The following FANCB variants were observed in gnomAD, a reference collection of about 807,000 sequenced individuals.
FANCB encodes the protein Fanconi anemia group B protein.
In FANCB, 5 loss-of-function variants were observed where a neutral mutation model predicts 38.9. The observed-to-expected ratio is 0.13, with a 90% CI of 0.07 to 0.27. The LOEUF is 0.27. Among genes scored for constraint, FANCB ranks in the 10% least tolerant of loss-of-function variants. The pLI is 1.00. For synonymous variants in FANCB, 236 were observed against 215.4 expected (o/e 1.10, Z -0.84); for missense variants, 573 against 602.7 (o/e 0.95, Z 0.52).
At chrX:14,830,089 A>G in the FANCB span, among the ~76,000 whole-genome samples, 1 of 111,540 alleles carries the variant, frequency 9.0e-6, no homozygotes, top group Non-Finnish European at 1.9e-5. Flanking sequence ...GGGAATAGGA[A>G]TGTCTGATGA....
chrX:14,713,558 A>G, the FANCB span, among the ~76,000 whole-genome samples: 3 of 112,379 alleles, frequency 2.7e-5, no homozygotes, highest in Non-Finnish European at 5.6e-5. Context: ...AAAGCCAAAC[A>G]ACTATTTTTA....
downstream of FANCB, chrX:14,835,407 T>G (rs779938353): frequency 1.4e-5 from 5 of 361,063 alleles, no homozygotes; most frequent in Non-Finnish European, 2.5e-5. Context: ...CAGGACAGAA[T>G]CACACCTGGG....
intron 3 of FANCB, chrX:14,862,358 T>G (rs1010307109): frequency 1.5e-4 from 17 of 110,864 alleles, no homozygotes; most frequent in African/African-American, 5.3e-4. Flanking sequence ...AGTAGGGACT[T>G]AGGTAAGTAA....
chrX:14,719,628 T>C, the FANCB span, among the ~76,000 whole-genome samples: 1 of 111,958 alleles, frequency 8.9e-6, no homozygotes, highest in Non-Finnish European at 1.9e-5. Flanking sequence ...ATACAGCCAT[T>C]ATGGAAAACA....
the FANCB span, among the ~76,000 whole-genome samples, chrX:14,807,025 G>T: frequency 1.8e-5 from 2 of 111,714 alleles, no homozygotes; most frequent in Admixed American, 9.5e-5. Context: ...GTGTGTGGAA[G>T]AAAAGGGAGA....
chrX:14,809,243 C>T, the FANCB span, among the ~76,000 whole-genome samples: 3 of 112,538 alleles, frequency 2.7e-5, no homozygotes, highest in African/African-American at 6.5e-5. Context: ...CAGCTCCCAG[C>T]GTGAGCGACA....
chrX:14,691,358 T>C, the FANCB span, among the ~76,000 whole-genome samples: 3 of 107,856 alleles, frequency 2.8e-5, no homozygotes, highest in South Asian at 4.1e-4. Context: ...ACTGATCTGA[T>C]TGACTTTTTT....
At chrX:14,818,625 A>G in the FANCB span, among the ~76,000 whole-genome samples, 1 of 111,320 alleles carries the variant, frequency 9.0e-6, no homozygotes, top group Non-Finnish European at 1.9e-5. Flanking sequence ...GAAGGGCACT[A>G]TCTGGTAGAA....
At chrX:14,755,546 A>G in the FANCB span, among the ~76,000 whole-genome samples, 1 of 111,937 alleles carries the variant, frequency 8.9e-6, no homozygotes, top group Non-Finnish European at 1.9e-5. Flanking sequence ...AATCCCACTT[A>G]CAACAGCTAC....
the FANCB span, among the ~76,000 whole-genome samples, chrX:14,733,628 A>G: frequency 8.9e-6 from 1 of 111,892 alleles, no homozygotes; most frequent in Non-Finnish European, 1.9e-5. Context: ...CTTTGTAGCA[A>G]TTGTCAATGG....
the FANCB span, among the ~76,000 whole-genome samples, chrX:14,705,370 A>G: frequency 1.8e-5 from 2 of 111,908 alleles, no homozygotes; most frequent in African/African-American, 6.5e-5. Context: ...TTTAGTTCTC[A>G]CAACTTGGGG....
the FANCB span, among the ~76,000 whole-genome samples, chrX:14,821,914 C>T: frequency 8.9e-6 from 1 of 111,789 alleles, no homozygotes; most frequent in South Asian, 3.8e-4. Flanking sequence ...GGGACATTCT[C>T]TCCTCCTTCA....
At chrX:14,802,571 G>T in the FANCB span, among the ~76,000 whole-genome samples, 30 of 112,000 alleles carry the variant, frequency 2.7e-4, no homozygotes, top group African/African-American at 8.4e-4. Context: ...TAAGCTGACT[G>T]GAGGCAGGAA....
chrX:14,867,656 C>T (rs1033741575), intron 2 of FANCB, among the ~76,000 whole-genome samples: 1 of 108,798 alleles, frequency 9.2e-6, no homozygotes, highest in African/African-American at 3.4e-5. Context: ...CATTTTATGA[C>T]ATTGGGCTGG....
the FANCB span, among the ~76,000 whole-genome samples, chrX:14,712,741 G>A: frequency 9.0e-6 from 1 of 110,955 alleles, no homozygotes; most frequent in Non-Finnish European, 1.9e-5. Flanking sequence ...ATGAAGTTCT[G>A]AGTAGAAAAC....
the FANCB span, among the ~76,000 whole-genome samples, chrX:14,726,341 T>G: frequency 8.9e-6 from 1 of 112,265 alleles, no homozygotes; most frequent in South Asian, 3.7e-4. Context: ...TACCATAAAG[T>G]TCTATATTTA....
intron 2 of FANCB, among the ~76,000 whole-genome samples, chrX:14,866,391 A>G (rs1569093602): frequency 8.9e-6 from 1 of 112,041 alleles, no homozygotes; most frequent in East Asian, 2.8e-4. Context: ...TTGTCTTAAA[A>G]TAAGTACCCT....
the FANCB span, among the ~76,000 whole-genome samples, chrX:14,807,123 T>C: frequency 1.8e-5 from 2 of 112,192 alleles, no homozygotes; most frequent in Non-Finnish European, 3.8e-5. Flanking sequence ...TCTTACATAA[T>C]AGAATTTATA....
the FANCB span, among the ~76,000 whole-genome samples, chrX:14,759,951 C>A: frequency 7.2e-5 from 8 of 111,559 alleles, no homozygotes; most frequent in Non-Finnish European, 1.5e-4. Context: ...TACAGACAAG[C>A]AATGGCTGAG....
Sources: allele counts gnomAD v4.1 joint callset (sites outside exome capture counted in the v4.1 genomes callset), GRCh38; gene constraint gnomAD v4.1.1; transcripts MANE v1.5; gene names NCBI Gene and HGNC (gene_info 2026-07-23, HGNC 2026-07-21).